LANCL2: variants seen among roughly 807,000 people sequenced by gnomAD.
LANCL2 encodes lanC-like protein 2.
LANCL2 carries 33 observed loss-of-function variants against 56.9 expected under a neutral mutation model. That is an observed-to-expected ratio of 0.58 (90% confidence interval 0.44 to 0.78). The LOEUF is 0.78. LANCL2 is among the 30% of genes least tolerant of loss of function. The pLI is 0.00. For missense variants in LANCL2, 562 were observed against 580.2 expected (o/e 0.97, Z 0.32); for synonymous variants, 233 against 228.2 (o/e 1.02, Z -0.19).
At chr7:55,375,476 C>T (rs920134107) in intron 1 of LANCL2, among the ~76,000 whole-genome samples, 6 of 152,190 alleles carry the variant, frequency 3.9e-5, no homozygotes, top group South Asian at 2.1e-4. Context: ...TTCTCTGAGA[C>T]GCCTGTGAGA....
In LANCL2 at chr7:55,413,286, A is replaced by G. The variant is rs560841962; in HGVS notation, c.1008+1197A>G. Among the ~76,000 whole-genome samples the G allele has an allele frequency of 2.5e-4, 38 of 152,340 alleles. No homozygotes were observed. In the South Asian group the frequency reaches 5.0e-3, roughly 20 times the overall value. ...GGGACATCTGTGATACAAATGTCCA[A>G]CAATAACGTGTGAGCACAATATTGA... On this transcript the variant is annotated intron_variant, in intron 6 of 8. Coordinates refer to ENST00000254770, the MANE Select transcript of LANCL2 (RefSeq NM_018697.4).
intron 1 of LANCL2, among the ~76,000 whole-genome samples, chr7:55,389,197 T>C (rs1040335659): frequency 1.3e-5 from 2 of 152,198 alleles, no homozygotes; most frequent in African/African-American, 4.8e-5. Context: ...GGGGGTTGAA[T>C]TCATTCCAGT....
intron 6 of LANCL2, among the ~76,000 whole-genome samples, chr7:55,418,426 C>T (rs1790569688): frequency 6.6e-6 from 1 of 152,102 alleles, no homozygotes; most frequent in Non-Finnish European, 1.5e-5. Context: ...GGGTTCTACC[C>T]ACCTCGGCCT....
At chr7:55,406,091 A>G (rs1482395400) in intron 5 of LANCL2, among the ~76,000 whole-genome samples, 2 of 152,226 alleles carry the variant, frequency 1.3e-5, no homozygotes, top group Non-Finnish European at 2.9e-5. Context: ...GGGAGCAGGA[A>G]CGTATGCCAA....
intron 6 of LANCL2, among the ~76,000 whole-genome samples, chr7:55,412,622 T>C (rs1790483997): frequency 1.3e-5 from 2 of 152,266 alleles, no homozygotes; most frequent in South Asian, 4.1e-4. Flanking sequence ...AGGCTTTAAA[T>C]ATATTTGGGC....
chr7:55,428,210 G>A, intron 7 of LANCL2, 165 bp from the exon 8 acceptor site: 1 of 638,294 alleles, frequency 1.6e-6, no homozygotes. Context: ...GCCTTGCTGG[G>A]CCTCACCCCT....
chr7:55,392,333 CTTTTTTTTTTT>C (rs71031842), intron 2 of LANCL2, among the ~76,000 whole-genome samples: 1 of 136,270 alleles, frequency 7.3e-6, no homozygotes, highest in Non-Finnish European at 1.6e-5. Flanking sequence ...TTTTTTTTTT[CTTTTTTTTTTT>C]TTGAGACGGA....
rs151292622 is a variant in LANCL2, at chr7:55,417,261, G to A, written c.1008+5172G>A. Among the ~76,000 whole-genome samples the A allele has an allele frequency of 4.6e-3, 697 of 152,126 alleles. 15 individuals are homozygous for A. Among genetic ancestry groups the A allele is most frequent in the Non-Finnish European group, 5.1e-3 (347 of 67,974 alleles). ...CCCAAAGTGCTGGGATTACAGGCGT[G>A]AGCCACCGTGCCCAGCCTGAGGTGT... On this transcript the variant is annotated intron_variant, in intron 6 of 8. Coordinates refer to ENST00000254770, the MANE Select transcript of LANCL2 (RefSeq NM_018697.4).
intron 1 of LANCL2, among the ~76,000 whole-genome samples, chr7:55,387,529 A>G (rs1032501374): frequency 1.3e-5 from 2 of 151,042 alleles, no homozygotes; most frequent in African/African-American, 2.4e-5. Context: ...TATGCTTCTG[A>G]GTTTTTTTTG....
At chr7:55,378,287 C>G (rs1422868084) in intron 1 of LANCL2, among the ~76,000 whole-genome samples, 1 of 152,032 alleles carries the variant, frequency 6.6e-6, no homozygotes, top group African/African-American at 2.4e-5. Context: ...TGGGGAAACC[C>G]TGTCTCTACT....
intron 5 of LANCL2, among the ~76,000 whole-genome samples, chr7:55,401,747 C>T (rs1462909551): frequency 3.2e-5 from 4 of 125,342 alleles, no homozygotes; most frequent in African/African-American, 1.3e-4. Context: ...TGACTCTTAA[C>T]GAGCATGCTG....
intron 1 of LANCL2, among the ~76,000 whole-genome samples, chr7:55,389,268 G>C (rs1790159278): frequency 6.6e-6 from 1 of 152,114 alleles, no homozygotes; most frequent in Admixed American, 6.5e-5. Context: ...TCCCACAGTG[G>C]GACTGGAAAA....
At chr7:55,375,363 T>C (rs1789989202) in intron 1 of LANCL2, among the ~76,000 whole-genome samples, 1 of 152,250 alleles carries the variant, frequency 6.6e-6, no homozygotes, top group Non-Finnish European at 1.5e-5. Context: ...ATGACTTGTT[T>C]CCTCAGGAAT....
At chr7:55,431,072 T>C (rs1297469679) in intron 8 of LANCL2, among the ~76,000 whole-genome samples, 154 bp from the exon 9 acceptor site, 1 of 152,218 alleles carries the variant, frequency 6.6e-6, no homozygotes, top group Non-Finnish European at 1.5e-5. Context: ...GTGCTAAATA[T>C]AAGGATATCT....
intron 6 of LANCL2, among the ~76,000 whole-genome samples, chr7:55,413,785 T>C (rs1255521550): frequency 6.6e-6 from 1 of 152,224 alleles, no homozygotes; most frequent in Non-Finnish European, 1.5e-5. Flanking sequence ...GATGTCAAGA[T>C]CCCATACTTA....
intron 6 of LANCL2, among the ~76,000 whole-genome samples, chr7:55,416,600 C>T (rs971307638): frequency 6.6e-6 from 1 of 151,994 alleles, no homozygotes; most frequent in African/African-American, 2.4e-5. Flanking sequence ...GTGTGTTTTA[C>T]CTACATTGTT....
At chr7:55,429,837 C>G (rs957887721) in intron 8 of LANCL2, among the ~76,000 whole-genome samples, 2 of 152,280 alleles carry the variant, frequency 1.3e-5, no homozygotes, top group African/African-American at 4.8e-5. Context: ...CACCTCCTTC[C>G]CCTGTGCCTC....
chr7:55,378,726 G>A (rs1319679536), intron 1 of LANCL2, among the ~76,000 whole-genome samples: 1 of 152,120 alleles, frequency 6.6e-6, no homozygotes, highest in African/African-American at 2.4e-5. Context: ...AATAGGAAAA[G>A]GGGAACCATA....
At chr7:55,391,152 G>A (rs1790184197) in intron 1 of LANCL2, among the ~76,000 whole-genome samples, 2 of 151,524 alleles carry the variant, frequency 1.3e-5, no homozygotes, top group Non-Finnish European at 2.9e-5. Flanking sequence ...GCGTAGCTGG[G>A]ACTACAGGCG....
Sources: allele counts gnomAD v4.1 joint callset (sites outside exome capture counted in the v4.1 genomes callset), GRCh38; gene constraint gnomAD v4.1.1; transcripts MANE v1.5; gene names NCBI Gene and HGNC (gene_info 2026-07-23, HGNC 2026-07-21).